DIAPH3: variants seen among roughly 807,000 people sequenced by gnomAD.
DIAPH3 encodes the protein diaphanous related formin 3.
Under a neutral mutation model 144.3 loss-of-function variants are expected in DIAPH3, and 117 were observed. The observed-to-expected ratio is 0.81, with a 90% CI of 0.70 to 0.95. The LOEUF is 0.95. DIAPH3 is among the 40% of genes least tolerant of loss of function. The pLI, the probability that DIAPH3 is intolerant of heterozygous loss-of-function variation, is 0.00. For missense variants in DIAPH3, 1,421 were observed against 1,412.7 expected (o/e 1.01, Z -0.09); for synonymous variants, 519 against 488.9 (o/e 1.06, Z -0.81).
chr13:59,907,749 T>C (rs10507642), intron 20 of DIAPH3, among the ~76,000 whole-genome samples: 13,549 of 152,270 alleles, frequency 0.089, 937 homozygotes, highest in Admixed American at 0.23. Flanking sequence ...TCTGAATTAC[T>C]ATATAAGTGA....
intron 25 of DIAPH3, among the ~76,000 whole-genome samples, chr13:59,795,732 C>T (rs341556): frequency 0.61 from 92,780 of 151,976 alleles, 28,780 homozygotes; most frequent in East Asian, 0.7. Flanking sequence ...GGATTACAGG[C>T]GTGAAACACT....
At chr13:59,813,558 A>G (rs1319528130) in intron 24 of DIAPH3, among the ~76,000 whole-genome samples, 1 of 152,112 alleles carries the variant, frequency 6.6e-6, no homozygotes, top group Admixed American at 6.5e-5. Context: ...AAGTTGTAAT[A>G]AAAATCAACA....
At chr13:59,890,951 C>T (rs2045753826) in intron 20 of DIAPH3, among the ~76,000 whole-genome samples, 1 of 146,522 alleles carries the variant, frequency 6.8e-6, no homozygotes, top group Non-Finnish European at 1.5e-5. Context: ...CCTTCAAGAG[C>T]ATGACATAAA....
chr13:60,160,864 C>G (rs1388904665), intron 1 of DIAPH3, among the ~76,000 whole-genome samples: 2 of 152,224 alleles, frequency 1.3e-5, no homozygotes, highest in African/African-American at 4.8e-5. Context: ...CTAATTTCTA[C>G]TATTTATACT....
At chr13:59,951,355 C>T (rs2049087113) in intron 17 of DIAPH3, among the ~76,000 whole-genome samples, 1 of 152,154 alleles carries the variant, frequency 6.6e-6, no homozygotes, top group Non-Finnish European at 1.5e-5. Context: ...TTGTAAGTTT[C>T]CTGAGACCTC....
intron 27 of DIAPH3, among the ~76,000 whole-genome samples, chr13:59,725,397 G>A (rs1164817632): frequency 1.3e-5 from 2 of 152,202 alleles, no homozygotes; most frequent in East Asian, 3.8e-4. Context: ...AGACTGGCAT[G>A]AATTAACCGC....
chr13:59,742,013 G>T (rs183093827), intron 27 of DIAPH3, among the ~76,000 whole-genome samples: 1 of 152,274 alleles, frequency 6.6e-6, no homozygotes, highest in African/African-American at 2.4e-5. Flanking sequence ...GGCTGGGGAG[G>T]CCTCCCAATC....
rs371429652 is a variant in DIAPH3, at chr13:59,810,830, C to A, written c.3121G>T (p.Glu1041Ter). 1.9e-6 allele frequency: 3 copies of A among 1,613,480 alleles called. No homozygotes were observed. The highest frequency in any genetic ancestry group is 2.5e-6 in the Non-Finnish European group (3 of 1,179,928). Residue 1041 changes from glutamate to a stop codon, truncating the protein, a stop_gained, in exon 25 of 28, where the codon GAA becomes TAA. Transcript: ENST00000400324. LOFTEE classifies it high-confidence loss of function. ...AAACGCTTTTTCTTTTGTTGGCGTT[C>A]GAGTCTTTCTCGCTCTGCTAATTCT... ...AKELAERERL[E>*]RQQKKKRLLE...
chr13:60,041,639 A>T (rs979698043), intron 5 of DIAPH3, among the ~76,000 whole-genome samples: 1 of 152,148 alleles, frequency 6.6e-6, no homozygotes, highest in African/African-American at 2.4e-5. Context: ...CCATATCATG[A>T]ACCTCCAATT....
At chr13:59,916,311 T>C (rs2047221342) in intron 18 of DIAPH3, 62 bp from the exon 19 acceptor site, 4 of 1,201,540 alleles carry the variant, frequency 3.3e-6, no homozygotes, top group Non-Finnish European at 3.7e-6. Flanking sequence ...ATTTCAGATG[T>C]AGTTCTATTT....
intron 2 of DIAPH3, among the ~76,000 whole-genome samples, chr13:60,132,318 C>T (rs1283204424): frequency 2.0e-5 from 3 of 152,130 alleles, no homozygotes; most frequent in African/African-American, 4.8e-5. Context: ...GGGGGCCATG[C>T]TTTTTCCTCT....
At chr13:59,732,952 T>C (rs2035961205) in intron 27 of DIAPH3, among the ~76,000 whole-genome samples, 1 of 152,190 alleles carries the variant, frequency 6.6e-6, no homozygotes, top group Admixed American at 6.5e-5. Flanking sequence ...GTAGTACAGG[T>C]AGAAGTCGTG....
rs1261174152 is a variant in DIAPH3, at chr13:59,974,397, T to G, written c.1605A>C (p.Ala535=). The G allele has an allele frequency of 6.2e-7, 1 of 1,612,688 alleles. No homozygotes were observed. The highest frequency in any genetic ancestry group is 8.5e-7 in the Non-Finnish European group (1 of 1,179,602). Residue 535 remains alanine (A), a synonymous_variant, in exon 15 of 28, where the codon GCA becomes GCC. Transcript: ENST00000400324. ...GCTCTGCTTGAAGCTCATTAATCTT[T>G]GCCTCTTTTTTCTGCAATTCAGCCT... ...ETQAELQKKE[A]KINELQAELQ... is the part of the protein sequence containing the mutation.
intron 14 of DIAPH3, among the ~76,000 whole-genome samples, chr13:59,976,564 A>C (rs1222400230): frequency 6.6e-6 from 1 of 151,462 alleles, no homozygotes; most frequent in East Asian, 2.0e-4. Context: ...TCCATATTCA[A>C]CCTCTTTTCC....
intron 24 of DIAPH3, among the ~76,000 whole-genome samples, chr13:59,830,254 T>C (rs1019216604): frequency 6.6e-6 from 1 of 151,808 alleles, no homozygotes; most frequent in African/African-American, 2.4e-5. Context: ...TTCAAAGCGA[T>C]ATATTTTGTC....
At chr13:60,156,942 T>A (rs56699104) in intron 1 of DIAPH3, among the ~76,000 whole-genome samples, 4,270 of 38,958 alleles carry the variant, frequency 0.11, 85 homozygotes, top group Non-Finnish European at 0.15. Flanking sequence ...TATATATATT[T>A]TTTTTTTTTT....
chr13:59,788,990 C>A (rs774543435), intron 25 of DIAPH3, among the ~76,000 whole-genome samples: 2 of 152,166 alleles, frequency 1.3e-5, no homozygotes, highest in African/African-American at 4.8e-5. Flanking sequence ...CTGACCTATT[C>A]TAAAATTACT....
intron 20 of DIAPH3, among the ~76,000 whole-genome samples, chr13:59,896,590 C>A (rs1303344716): frequency 2.9e-5 from 3 of 103,082 alleles, no homozygotes; most frequent in Non-Finnish European, 4.0e-5. Flanking sequence ...GTGGGGGAGG[C>A]GGGGGTGGAG....
In DIAPH3 at chr13:59,987,197, T is replaced by C. The variant is rs544421068; in HGVS notation, c.1362-3310A>G. 8.2e-3 allele frequency among the ~76,000 whole-genome samples: 1,238 copies of C among 151,664 alleles called. 19 individuals carry two copies. The highest frequency in any genetic ancestry group is 0.028 in the African/African-American group (1,145 of 41,370). ...GTAGGGACATGGATGAAATTGGAAA[T>C]CATCATTCTCAGTAAACTATCGCAA... On this transcript the variant is annotated intron_variant, in intron 12 of 27. Coordinates refer to ENST00000400324, the MANE Select transcript of DIAPH3 (RefSeq NM_001042517.2).
Sources: allele counts gnomAD v4.1 joint callset (sites outside exome capture counted in the v4.1 genomes callset), GRCh38; gene constraint gnomAD v4.1.1; transcripts MANE v1.5; gene names NCBI Gene and HGNC (gene_info 2026-07-23, HGNC 2026-07-21).